Variants in EFCAB12 observed in about 807,000 individuals in gnomAD.
The protein encoded by EFCAB12 is EF-hand calcium-binding domain-containing protein 12.
In EFCAB12, 43 loss-of-function variants were observed where a neutral mutation model predicts 53.6. The ratio of observed to expected loss-of-function variants is 0.80; its 90% CI spans 0.63 to 1.03. The LOEUF (loss-of-function observed/expected upper bound fraction) is 1.03, where lower values mean the gene tolerates loss of function less well. Ranked by LOEUF, EFCAB12 falls within the 50% of genes least tolerant of loss-of-function variation. The pLI is 0.00. For synonymous variants in EFCAB12, 269 were observed against 289.2 expected (o/e 0.93, Z 0.71); for missense variants, 646 against 730.6 (o/e 0.88, Z 1.34).
chr3:129,402,386 G>C, intron 8 of EFCAB12, 137 bp downstream of exon 8: 2 of 936,056 alleles, frequency 2.1e-6, no homozygotes, highest in South Asian at 2.8e-5. Flanking sequence ...GGCCCTCTCT[G>C]TGTTGTGTCA....
At position 129,418,301 on chromosome 3, in the gene EFCAB12, C is replaced by A. The variant is rs2072145249; in HGVS notation, c.634G>T (p.Glu212Ter). ...LEIFHKVGQG[E>*]NQRITREEFI... is the part of the protein sequence containing the mutation. The stretch of plus-strand genomic sequence containing the variant: ...TCCTCCCTGGTGATTCTCTGGTTCT[C>A]ACCCTGGCCCACCTTGTGAAATATC... The change falls in exon 3 of 9, where the codon GAG (glutamate) becomes TAG (stop). Residue 212 changes from glutamate (E) to a stop codon, truncating the protein, a stop_gained. Coordinates refer to ENST00000505956, the MANE Select transcript of EFCAB12 (RefSeq NM_207307.3). LOFTEE classifies it high-confidence loss of function. The A allele has an allele frequency of 5.0e-6, 8 of 1,613,276 alleles. No individual in the cohort carries two copies. Among genetic ancestry groups the A allele is most frequent in the Non-Finnish European group, 6.8e-6 (8 of 1,179,406 alleles).
intron 4 of EFCAB12, 38 bp from the exon 5 acceptor site, chr3:129,411,392 A>G: frequency 6.6e-7 from 1 of 1,525,664 alleles, no homozygotes. Flanking sequence ...AGGAGGGACT[A>G]AGAGGGTGCC....
chr3:129,428,370 C>T, intron 1 of EFCAB12, 70 bp downstream of exon 1: 1 of 1,553,018 alleles, frequency 6.4e-7, no homozygotes. Context: ...TGAGTTTTTG[C>T]CCTCACCCCA....
chr3:129,423,778 C>T (rs1577052921), intron 1 of EFCAB12, among the ~76,000 whole-genome samples: 1 of 152,304 alleles, frequency 6.6e-6, no homozygotes. Flanking sequence ...AACCTGGCCC[C>T]ACCTGGTCCT....
At chr3:129,424,392 G>A (rs2072226597) in intron 1 of EFCAB12, among the ~76,000 whole-genome samples, 1 of 152,142 alleles carries the variant, frequency 6.6e-6, no homozygotes, top group Admixed American at 6.5e-5. Flanking sequence ...TCTCATGAGA[G>A]CGAGTGCTCA....
intron 4 of EFCAB12, chr3:129,413,332 G>A (rs561957574): frequency 1.3e-5 from 2 of 152,378 alleles, no homozygotes; most frequent in Non-Finnish European, 2.9e-5. Flanking sequence ...CAGCCAGAAA[G>A]AGCAGACAGT....
In EFCAB12 at chr3:129,408,639, C is replaced by T; in HGVS notation, c.1249+6G>A. ...TCTTCCTAGGGCCAGCTACCGAGGC[C>T]CTTACCTTTCATGAGGATGTCCTCT... On this transcript the variant is annotated splice_donor_region_variant and intron_variant, in intron 6 of 8. Transcript: ENST00000505956. The T allele has an allele frequency of 6.4e-7, 1 of 1,561,622 alleles. No homozygotes were observed. The highest frequency in any genetic ancestry group is 8.7e-7 in the Non-Finnish European group (1 of 1,151,860).
At chr3:129,417,580 C>T (rs1435315455) in intron 3 of EFCAB12, among the ~76,000 whole-genome samples, 1 of 152,146 alleles carries the variant, frequency 6.6e-6, no homozygotes, top group Admixed American at 6.5e-5. Flanking sequence ...GTTTGCAGAC[C>T]TCTGCTAGGC....
chr3:129,425,229 C>T (rs1277445305), intron 1 of EFCAB12, among the ~76,000 whole-genome samples: 1 of 152,186 alleles, frequency 6.6e-6, no homozygotes, highest in Non-Finnish European at 1.5e-5. Flanking sequence ...AATCCATGTT[C>T]TGCCCTCAGC....
intron 1 of EFCAB12, among the ~76,000 whole-genome samples, chr3:129,428,008 C>G (rs947226143): frequency 6.6e-6 from 1 of 152,148 alleles, no homozygotes; most frequent in African/African-American, 2.4e-5. Context: ...CTCAGCACAC[C>G]TTTTACTCCT....
chr3:129,417,186 G>A (rs957468611), intron 3 of EFCAB12, among the ~76,000 whole-genome samples: 1 of 151,568 alleles, frequency 6.6e-6, no homozygotes, highest in South Asian at 2.1e-4. Context: ...TTAGCCGGGC[G>A]TGGTGGTGCA....
intron 4 of EFCAB12, 79 bp from the exon 5 acceptor site, chr3:129,411,433 G>C: frequency 7.0e-7 from 1 of 1,437,248 alleles, no homozygotes; most frequent in Non-Finnish European, 9.4e-7. Context: ...CAGTTATCCA[G>C]TGTCACCCAG....
chr3:129,425,880 A>G (rs2072264668), intron 1 of EFCAB12, among the ~76,000 whole-genome samples: 1 of 152,170 alleles, frequency 6.6e-6, no homozygotes, highest in Non-Finnish European at 1.5e-5. Flanking sequence ...GGAACTTTCT[A>G]CTTAACATGG....
chr3:129,427,978 G>A (rs540961800), intron 1 of EFCAB12, among the ~76,000 whole-genome samples: 1 of 152,240 alleles, frequency 6.6e-6, no homozygotes, highest in African/African-American at 2.4e-5. Context: ...GCTTGGAACT[G>A]TTCCTCCCCA....
intron 1 of EFCAB12, among the ~76,000 whole-genome samples, chr3:129,424,882 G>A (rs2072252693): frequency 6.6e-6 from 1 of 152,224 alleles, no homozygotes; most frequent in Non-Finnish European, 1.5e-5. Flanking sequence ...GTAACAAGAT[G>A]TTCTCAGTTG....
chr3:129,404,096 C>T (rs901795525), intron 7 of EFCAB12, 154 bp downstream of exon 7: 3 of 988,518 alleles, frequency 3.0e-6, no homozygotes, highest in Non-Finnish European at 2.9e-6. Context: ...ACTGGCCAGT[C>T]TGCAGTGAGC....
chr3:129,407,646 G>A (rs2071970548), intron 6 of EFCAB12, among the ~76,000 whole-genome samples: 1 of 152,208 alleles, frequency 6.6e-6, no homozygotes, highest in Non-Finnish European at 1.5e-5. Context: ...GGGTGCGGTG[G>A]CTCATGCCTG....
Position 129,428,606 on chromosome 3 carries a change from C to T in EFCAB12, c.-118G>A. On this transcript the variant is annotated 5_prime_UTR_variant, in exon 1 of 9. Coordinates refer to ENST00000505956, the MANE Select transcript of EFCAB12 (RefSeq NM_207307.3). Reference sequence around the variant, plus strand: ...CCGTAACTCCAAGTCGTGCGAAAGGCGCTCAGCTCAGACTGCAGAAGCAAC... The same window carrying T: ...CCGTAACTCCAAGTCGTGCGAAAGGTGCTCAGCTCAGACTGCAGAAGCAAC... 1 of 1,310,016 alleles carries T rather than the reference C, an allele frequency of 7.6e-7. No individual in the cohort carries two copies. The highest frequency in any genetic ancestry group is 1.4e-5 in the South Asian group (1 of 69,994). The allele number at this position is 1,310,016 out of a possible 1,614,324, so 81.1% of individuals were successfully genotyped here.
chr3:129,402,719 T>C (rs2071889658), intron 7 of EFCAB12, 140 bp from the exon 8 acceptor site: 13 of 778,542 alleles, frequency 1.7e-5, no homozygotes, highest in Non-Finnish European at 2.4e-5. Flanking sequence ...GTCTTCCACC[T>C]GGGGTGGACC....
Sources: gnomAD v4.1 joint callset for allele counts (sites outside exome capture counted in the v4.1 genomes callset) on GRCh38, gnomAD v4.1.1 for gene constraint, MANE v1.5 for transcripts, NCBI Gene and HGNC (gene_info 2026-07-23, HGNC 2026-07-21) for gene names.